RBFOX1: variants seen among roughly 807,000 people sequenced by gnomAD.
RBFOX1 encodes RNA binding protein fox-1 homolog 1.
In RBFOX1, 8 loss-of-function variants were observed where a neutral mutation model predicts 57.7. The ratio of observed to expected loss-of-function variants is 0.14; its 90% CI spans 0.08 to 0.25. RBFOX1 has a LOEUF of 0.25. Among genes scored for constraint, RBFOX1 ranks in the 10% least tolerant of loss-of-function variants. The probability of loss-of-function intolerance (pLI) is 1.00; values close to 1 mark genes in which losing one functional copy is unlikely to be tolerated. For missense variants in RBFOX1, 611 were observed against 548.5 expected (o/e 1.11, Z -1.14); for synonymous variants, 326 against 222.4 (o/e 1.47, Z -4.15).
chr16:7,590,734 C>G (rs1466443787), intron 7 of RBFOX1, among the ~76,000 whole-genome samples: 1 of 151,850 alleles, frequency 6.6e-6, no homozygotes, highest in Admixed American at 6.6e-5. Flanking sequence ...TGGTGCATGC[C>G]TGTAATCCCA....
chr16:7,010,007 T>G (rs552855199), intron 3 of RBFOX1, among the ~76,000 whole-genome samples: 1 of 151,368 alleles, frequency 6.6e-6, no homozygotes, highest in East Asian at 2.0e-4. Flanking sequence ...CAATTAGACT[T>G]GATAGAAGCT....
intron 1 of RBFOX1, among the ~76,000 whole-genome samples, chr16:5,244,058 G>A (rs971340408): frequency 1.3e-5 from 2 of 151,934 alleles, no homozygotes; most frequent in East Asian, 1.9e-4. Flanking sequence ...CACCACAGCC[G>A]GCTAATTTTT....
At position 7,110,663 on chromosome 16, in the gene RBFOX1, C is replaced by T. The variant is rs574541808; in HGVS notation, c.27+58565C>T. 3.9e-5 allele frequency among the ~76,000 whole-genome samples: 6 copies of T among 152,262 alleles called. No individual in the cohort carries two copies. In the South Asian group the frequency reaches 1.2e-3, roughly 32 times the overall value. On this transcript the variant is annotated intron_variant, in intron 4 of 15. Coordinates refer to ENST00000550418, the MANE Select transcript of RBFOX1 (RefSeq NM_018723.4). ...GACATGAAGAAACCTAAACCATATTCATTCACCATAGTTAAATGAGGCAGG... is the reference window on the plus strand; with the variant it reads ...GACATGAAGAAACCTAAACCATATTTATTCACCATAGTTAAATGAGGCAGG...
chr16:6,210,596 T>G (rs892045870), intron 1 of RBFOX1, among the ~76,000 whole-genome samples: 16 of 151,744 alleles, frequency 1.1e-4, no homozygotes, highest in African/African-American at 3.9e-4. Flanking sequence ...ATGGTGCATG[T>G]CTGTGGTCCC....
At chr16:7,174,461 T>A (rs1011203538) in intron 4 of RBFOX1, among the ~76,000 whole-genome samples, 2 of 152,166 alleles carry the variant, frequency 1.3e-5, no homozygotes, top group African/African-American at 4.8e-5. Flanking sequence ...CTGGGTTGTA[T>A]GGTAAGTTTA....
Position 6,536,453 on chromosome 16 carries a change from G to A in RBFOX1, c.-63-118150G>A, listed in dbSNP as rs141082600. 2.9e-4 allele frequency among the ~76,000 whole-genome samples: 44 copies of A among 152,188 alleles called. No individual in the cohort carries two copies. In the South Asian group the frequency reaches 5.4e-3, roughly 19 times the overall value. ...TTCAAGTTAATGCATAATATGATAT[G>A]GGACATCCCTCATAAATTCCGTATC... On this transcript the variant is annotated intron_variant, in intron 2 of 15. Coordinates refer to ENST00000550418, the MANE Select transcript of RBFOX1 (RefSeq NM_018723.4).
At chr16:6,199,411 G>T (rs2097201131) in intron 1 of RBFOX1, among the ~76,000 whole-genome samples, 1 of 152,086 alleles carries the variant, frequency 6.6e-6, no homozygotes, top group South Asian at 2.1e-4. Context: ...AAACTTAATG[G>T]GAAGTTCATT....
At chr16:5,483,008 C>A (rs1367830172) in intron 2 of RBFOX1, among the ~76,000 whole-genome samples, 1 of 152,198 alleles carries the variant, frequency 6.6e-6, no homozygotes, top group African/African-American at 2.4e-5. Flanking sequence ...AGGACAGATA[C>A]AAACTGTCAT....
At chr16:7,282,696 T>C (rs1235560309) in intron 4 of RBFOX1, among the ~76,000 whole-genome samples, 1 of 152,198 alleles carries the variant, frequency 6.6e-6, no homozygotes. Context: ...CAGTATACAC[T>C]GCACCCAGTT....
At chr16:6,218,090 G>A (rs1052544740) in intron 1 of RBFOX1, among the ~76,000 whole-genome samples, 2 of 152,110 alleles carry the variant, frequency 1.3e-5, no homozygotes, top group Non-Finnish European at 2.9e-5. Flanking sequence ...TAAAAGGAAT[G>A]TGTCCTTCCC....
At chr16:6,663,612 G>A (rs1261175416) in intron 3 of RBFOX1, among the ~76,000 whole-genome samples, 1 of 152,228 alleles carries the variant, frequency 6.6e-6, no homozygotes, top group Non-Finnish European at 1.5e-5. Flanking sequence ...GGCAGAGGCT[G>A]CTGTGAGCGC....
chr16:6,165,169 T>G lies in RBFOX1; in HGVS notation c.-127+145177T>G, dbSNP rs1173362123. Among the ~76,000 whole-genome samples, 3 of 152,174 alleles carry G rather than the reference T, an allele frequency of 2.0e-5. No individual in the cohort carries two copies. The South Asian group carries it at 6.2e-4, about 32-fold the overall frequency. On this transcript the variant is annotated intron_variant, in intron 1 of 15. Transcript: ENST00000550418. The stretch of plus-strand genomic sequence containing the variant: ...AGTTTTTAAGTGGGAGTAATAGTAT[T>G]AATACCCACCTGACAAGATTACCCT...
intron 1 of RBFOX1, among the ~76,000 whole-genome samples, chr16:5,375,457 C>G (rs2065961372): frequency 6.6e-6 from 1 of 151,994 alleles, no homozygotes; most frequent in Non-Finnish European, 1.5e-5. Flanking sequence ...GCCTGAGAGT[C>G]TGGGATAGTG....
chr16:6,893,049 G>C (rs1013626740), intron 3 of RBFOX1, among the ~76,000 whole-genome samples: 1 of 152,110 alleles, frequency 6.6e-6, no homozygotes, highest in African/African-American at 2.4e-5. Context: ...CCGAATACAT[G>C]ATCTTTCTCT....
intron 4 of RBFOX1, among the ~76,000 whole-genome samples, chr16:5,998,200 T>A (rs1010556050): frequency 2.3e-4 from 35 of 152,208 alleles, no homozygotes; most frequent in Admixed American, 6.5e-5. Flanking sequence ...TGGGGAAAAT[T>A]CATGAACATA....
At chr16:6,726,610 A>G (rs150673616) in intron 3 of RBFOX1, among the ~76,000 whole-genome samples, 2 of 152,236 alleles carry the variant, frequency 1.3e-5, no homozygotes, top group African/African-American at 2.4e-5. Context: ...GTCATATTCT[A>G]TCAGTTCAGC....
At chr16:5,354,800 T>A (rs1037765448) in intron 1 of RBFOX1, among the ~76,000 whole-genome samples, 10 of 152,216 alleles carry the variant, frequency 6.6e-5, no homozygotes, top group African/African-American at 2.2e-4. Flanking sequence ...ACCACCTGCA[T>A]CTCAGGGGAG....
At chr16:6,231,517 G>A (rs58661509) in intron 1 of RBFOX1, among the ~76,000 whole-genome samples, 29,399 of 152,162 alleles carry the variant, frequency 0.19, 3,574 homozygotes, top group East Asian at 0.42. Flanking sequence ...GGCTTCTCAT[G>A]TTGGCATTAA....
At chr16:7,580,268 A>G (rs1261515302) in intron 6 of RBFOX1, among the ~76,000 whole-genome samples, 4 of 152,160 alleles carry the variant, frequency 2.6e-5, no homozygotes, top group Non-Finnish European at 5.9e-5. Flanking sequence ...AAAAATACAC[A>G]TCGAGTCCTC....
Sources: allele counts gnomAD v4.1 joint callset (sites outside exome capture counted in the v4.1 genomes callset), GRCh38; gene constraint gnomAD v4.1.1; transcripts MANE v1.5; gene names NCBI Gene and HGNC (gene_info 2026-07-23, HGNC 2026-07-21).